PDE4D: variants seen among roughly 807,000 people sequenced by gnomAD.
PDE4D encodes phosphodiesterase 4D.
In PDE4D, 24 loss-of-function variants were observed where a neutral mutation model predicts 87.4. The observed-to-expected ratio is 0.27, with a 90% confidence interval of 0.20 to 0.39. The LOEUF is 0.39. PDE4D is among the 10% of genes least tolerant of loss of function. PDE4D has a pLI of 1.00. For synonymous variants in PDE4D, 384 were observed against 383.2 expected (o/e 1.00, Z -0.02); for missense variants, 714 against 1,041.0 (o/e 0.69, Z 4.32).
At chr5:59,946,425 C>G (rs1388176319) in intron 3 of PDE4D, among the ~76,000 whole-genome samples, 1 of 152,126 alleles carries the variant, frequency 6.6e-6, no homozygotes, top group African/African-American at 2.4e-5. Flanking sequence ...GAGTTTAATA[C>G]CCACTGTACC....
At chr5:59,221,239 C>A (rs895641831) in intron 1 of PDE4D, among the ~76,000 whole-genome samples, 2 of 152,116 alleles carry the variant, frequency 1.3e-5, no homozygotes, top group Admixed American at 6.6e-5. Flanking sequence ...TAAAAAAATA[C>A]AAGAATACCT....
chr5:60,359,911 C>T (rs1759918132), intron 1 of PDE4D, among the ~76,000 whole-genome samples: 1 of 152,198 alleles, frequency 6.6e-6, no homozygotes, highest in South Asian at 2.1e-4. Flanking sequence ...GCTCCTTCCT[C>T]ACATTCATCC....
At chr5:59,499,526 C>T (rs931478622) in intron 1 of PDE4D, among the ~76,000 whole-genome samples, 1 of 151,852 alleles carries the variant, frequency 6.6e-6, no homozygotes, top group African/African-American at 2.4e-5. Flanking sequence ...TGATATACTG[C>T]TAGCTAGATT....
chr5:59,013,802 A>T (rs1753369249), intron 6 of PDE4D, among the ~76,000 whole-genome samples: 1 of 152,232 alleles, frequency 6.6e-6, no homozygotes. Flanking sequence ...TGATGAGGCC[A>T]GCATCATCCT....
chr5:59,352,511 G>T (rs969362245), intron 1 of PDE4D, among the ~76,000 whole-genome samples: 1 of 152,134 alleles, frequency 6.6e-6, no homozygotes, highest in Non-Finnish European at 1.5e-5. Context: ...AATGGGAATT[G>T]TGCAGTTTGG....
chr5:59,483,404 C>T (rs1804589882), intron 1 of PDE4D, among the ~76,000 whole-genome samples: 2 of 152,080 alleles, frequency 1.3e-5, no homozygotes, highest in South Asian at 4.2e-4. Flanking sequence ...GAGCCCATCC[C>T]CCTCTCTGGA....
chr5:59,175,710 C>G (rs1783747487), intron 5 of PDE4D, among the ~76,000 whole-genome samples: 1 of 151,056 alleles, frequency 6.6e-6, no homozygotes, highest in Non-Finnish European at 1.5e-5. Flanking sequence ...GAACTCCTGA[C>G]CTGGTGATCC....
chr5:59,100,504 C>CA (rs1391664393), intron 5 of PDE4D, among the ~76,000 whole-genome samples: 9 of 151,846 alleles, frequency 5.9e-5, no homozygotes, highest in East Asian at 5.8e-4. Flanking sequence ...GAAGCTTAAA[C>CA]AAAAAAAACT....
At chr5:59,607,502 T>G (rs1828375191) in intron 1 of PDE4D, among the ~76,000 whole-genome samples, 1 of 152,078 alleles carries the variant, frequency 6.6e-6, no homozygotes, top group Admixed American at 6.6e-5. Context: ...GGTTTTCTTT[T>G]TACAGCTGCC....
rs1023600040 is a variant in PDE4D at position 59,122,210 on chromosome 5, T to G, written c.808+58385A>C. ...AAGAAAGAAAACATGGTATACACAA[T>G]GGAATATGATTCAGCCATAAAAAAG... On this transcript the variant is annotated intron_variant, in intron 5 of 14. Coordinates refer to ENST00000340635, the MANE Select transcript of PDE4D (RefSeq NM_001104631.2). 6.2e-5 allele frequency among the ~76,000 whole-genome samples: 9 copies of G among 144,680 alleles called. No individual in the cohort carries two copies. In the South Asian group the frequency reaches 1.5e-3, roughly 25 times the overall value. 94.9% of individuals were successfully genotyped at this position (144,680 alleles called of 152,430 possible).
chr5:60,479,294 T>G (rs1185763878), intron 1 of PDE4D, among the ~76,000 whole-genome samples: 1 of 152,122 alleles, frequency 6.6e-6, no homozygotes, highest in Non-Finnish European at 1.5e-5. Context: ...GCTATATAAT[T>G]TTGCATCATG....
At chr5:60,377,457 C>T (rs756479613) in intron 1 of PDE4D, among the ~76,000 whole-genome samples, 1 of 152,190 alleles carries the variant, frequency 6.6e-6, no homozygotes, top group Admixed American at 6.5e-5. Context: ...CTATTTAGAA[C>T]ATTGAGAGAA....
chr5:60,111,359 T>C (rs1777665365), intron 2 of PDE4D, among the ~76,000 whole-genome samples: 2 of 151,984 alleles, frequency 1.3e-5, no homozygotes, highest in African/African-American at 2.4e-5. Flanking sequence ...ATGTCAACAA[T>C]AATATTAATG....
intron 2 of PDE4D, among the ~76,000 whole-genome samples, chr5:60,161,545 C>T (rs553528728): frequency 1.3e-5 from 2 of 152,120 alleles, no homozygotes; most frequent in Non-Finnish European, 2.9e-5. Context: ...CACCTAATGG[C>T]AAGAGGTATG....
chr5:59,060,945 A>T (rs985132158), intron 5 of PDE4D, among the ~76,000 whole-genome samples: 1 of 152,122 alleles, frequency 6.6e-6, no homozygotes, highest in Non-Finnish European at 1.5e-5. Context: ...CCTACCATGA[A>T]GAATAACACT....
chr5:60,458,383 T>C (rs1391476448), intron 1 of PDE4D, among the ~76,000 whole-genome samples: 2 of 99,208 alleles, frequency 2.0e-5, no homozygotes, highest in South Asian at 4.1e-4. Flanking sequence ...TGAGACTTCA[T>C]TGCAAAAAAA....
intron 1 of PDE4D, among the ~76,000 whole-genome samples, chr5:59,438,056 GGGGAAACTGCTCCTA>G (rs1452625816): frequency 6.6e-6 from 1 of 152,094 alleles, no homozygotes; most frequent in Admixed American, 6.6e-5. Flanking sequence ...CAGCTGCATG[GGGGAAACTGCTCCTA>G]TGATTCAGTT....
At chr5:59,549,601 A>ATG (rs1817786872) in intron 1 of PDE4D, among the ~76,000 whole-genome samples, 1 of 152,176 alleles carries the variant, frequency 6.6e-6, no homozygotes, top group African/African-American at 2.4e-5. Flanking sequence ...AAACATGAAA[A>ATG]TATATATAAC....
At chr5:60,082,825 C>G (rs1774101029) in intron 2 of PDE4D, among the ~76,000 whole-genome samples, 1 of 151,776 alleles carries the variant, frequency 6.6e-6, no homozygotes, top group African/African-American at 2.4e-5. Context: ...GCTGGCCTCC[C>G]ATCAGTTCCT....
Sources: allele counts gnomAD v4.1 joint callset (sites outside exome capture counted in the v4.1 genomes callset), GRCh38; gene constraint gnomAD v4.1.1; transcripts MANE v1.5; gene names NCBI Gene and HGNC (gene_info 2026-07-23, HGNC 2026-07-21).